KCNH7: variants seen among roughly 807,000 people sequenced by gnomAD.
KCNH7 encodes voltage-gated inwardly rectifying potassium channel KCNH7.
Under a neutral mutation model 120.8 loss-of-function variants are expected in KCNH7, and 49 were observed. That is an observed-to-expected ratio of 0.41 (90% CI 0.32 to 0.51). KCNH7 has a LOEUF of 0.51. Among genes scored for constraint, KCNH7 ranks in the 20% least tolerant of loss-of-function variants. KCNH7 has a pLI of 0.38. For missense variants in KCNH7, 1,097 were observed against 1,446.6 expected (o/e 0.76, Z 3.92); for synonymous variants, 547 against 516.1 (o/e 1.06, Z -0.81).
intron 6 of KCNH7, among the ~76,000 whole-genome samples, chr2:162,461,707 C>T (rs570587197): frequency 3.3e-5 from 5 of 152,240 alleles, no homozygotes; most frequent in East Asian, 3.9e-4. Context: ...TTTTGGGCCA[C>T]GTACAAAGTG....
rs141448865 is a variant in KCNH7 at position 162,588,888 on chromosome 2, C to T, written c.308-51808G>A. 9.8e-4 allele frequency among the ~76,000 whole-genome samples: 149 copies of T among 152,138 alleles called. 1 individual carries two copies. Among genetic ancestry groups the T allele is most frequent in the African/African-American group, 3.4e-3 (140 of 41,520 alleles). ...AATCCAATAATGGTATTGTCATTAA[C>T]CCACCTACCCTCTTTCCTCTCCCTC... On this transcript the variant is annotated intron_variant, in intron 2 of 15. Transcript: ENST00000332142.
chr2:162,809,583 G>A (rs1345022728), intron 2 of KCNH7, among the ~76,000 whole-genome samples: 1 of 152,102 alleles, frequency 6.6e-6, no homozygotes. Context: ...TGAAATATCA[G>A]AAATACATTT....
chr2:162,613,148 A>G (rs1438605088), intron 2 of KCNH7, among the ~76,000 whole-genome samples: 1 of 152,040 alleles, frequency 6.6e-6, no homozygotes, highest in African/African-American at 2.4e-5. Context: ...AAGTAAATAC[A>G]AAGGAATCCA....
intron 2 of KCNH7, among the ~76,000 whole-genome samples, chr2:162,792,620 T>C (rs1234229047): frequency 6.6e-6 from 1 of 151,948 alleles, no homozygotes; most frequent in Non-Finnish European, 1.5e-5. Flanking sequence ...ATAGGGTCAG[T>C]GGTAATGTCC....
chr2:162,632,305 A>T (rs373866093), intron 2 of KCNH7, among the ~76,000 whole-genome samples: 1 of 151,984 alleles, frequency 6.6e-6, no homozygotes, highest in African/African-American at 2.4e-5. Context: ...TGAAATTATA[A>T]AGGAAGGTGT....
intron 2 of KCNH7, among the ~76,000 whole-genome samples, chr2:162,552,524 T>C (rs1574093069): frequency 1.3e-5 from 2 of 152,222 alleles, no homozygotes; most frequent in African/African-American, 2.4e-5. Flanking sequence ...ATACAGATTC[T>C]GAATAATTCC....
chr2:162,388,627 T>C (rs1686650233), intron 12 of KCNH7, among the ~76,000 whole-genome samples: 1 of 151,928 alleles, frequency 6.6e-6, no homozygotes, highest in Non-Finnish European at 1.5e-5. Flanking sequence ...CAAAGTATAA[T>C]ACCAATATAT....
At chr2:162,698,737 C>G (rs903188487) in intron 2 of KCNH7, among the ~76,000 whole-genome samples, 4 of 151,886 alleles carry the variant, frequency 2.6e-5, no homozygotes, top group African/African-American at 9.7e-5. Flanking sequence ...AAATGGAGAC[C>G]ATAAGATAAA....
At chr2:162,579,606 C>T (rs1693806896) in intron 2 of KCNH7, among the ~76,000 whole-genome samples, 1 of 151,956 alleles carries the variant, frequency 6.6e-6, no homozygotes, top group Admixed American at 6.6e-5. Flanking sequence ...GGGAGCAATT[C>T]CAGGGATATT....
intron 2 of KCNH7, among the ~76,000 whole-genome samples, chr2:162,585,512 A>G (rs1409148300): frequency 2.6e-5 from 4 of 152,088 alleles, no homozygotes; most frequent in African/African-American, 4.8e-5. Flanking sequence ...GATACATCTA[A>G]TCATGTATAG....
chr2:162,582,265 A>G (rs1201533114), intron 2 of KCNH7, among the ~76,000 whole-genome samples: 1 of 152,086 alleles, frequency 6.6e-6, no homozygotes, highest in Non-Finnish European at 1.5e-5. Flanking sequence ...ACAACCGGCT[A>G]TTCTTTCTTA....
chr2:162,564,999 G>C (rs901235260), intron 2 of KCNH7, among the ~76,000 whole-genome samples: 1 of 152,026 alleles, frequency 6.6e-6, no homozygotes, highest in Non-Finnish European at 1.5e-5. Context: ...ATTAGTAATG[G>C]TATATCCCCT....
intron 5 of KCNH7, among the ~76,000 whole-genome samples, chr2:162,505,981 G>A (rs1173354459): frequency 1.3e-5 from 2 of 151,816 alleles, no homozygotes; most frequent in Non-Finnish European, 2.9e-5. Context: ...CACTATGGGG[G>A]AAAATCACAC....
At chr2:162,454,101 G>A (rs1342703691) in intron 6 of KCNH7, among the ~76,000 whole-genome samples, 1 of 152,150 alleles carries the variant, frequency 6.6e-6, no homozygotes, top group East Asian at 1.9e-4. Context: ...TTACATTTAA[G>A]TCTTTAATCC....
At chr2:162,449,105 G>C (rs897875413) in intron 6 of KCNH7, among the ~76,000 whole-genome samples, 1 of 151,962 alleles carries the variant, frequency 6.6e-6, no homozygotes, top group African/African-American at 2.4e-5. Flanking sequence ...GTGTGTTGGG[G>C]AATTGTAAGC....
chr2:162,407,992 A>G (rs1394003035), intron 9 of KCNH7, among the ~76,000 whole-genome samples: 1 of 152,078 alleles, frequency 6.6e-6, no homozygotes, highest in African/African-American at 2.4e-5. Flanking sequence ...AGTTGTCAAC[A>G]TCATGTGGGG....
chr2:162,589,043 G>A (rs1370270341), intron 2 of KCNH7, among the ~76,000 whole-genome samples: 1 of 152,020 alleles, frequency 6.6e-6, no homozygotes, highest in Non-Finnish European at 1.5e-5. Context: ...AGTTAAGGTG[G>A]CTCCCAAAAT....
intron 2 of KCNH7, among the ~76,000 whole-genome samples, chr2:162,828,950 G>A (rs911157381): frequency 6.6e-6 from 1 of 152,104 alleles, no homozygotes; most frequent in Non-Finnish European, 1.5e-5. Flanking sequence ...ACACAAGCAG[G>A]CCTACTTTAA....
chr2:162,440,430 A>G (rs1281830819), intron 7 of KCNH7, among the ~76,000 whole-genome samples: 1 of 152,018 alleles, frequency 6.6e-6, no homozygotes, highest in Non-Finnish European at 1.5e-5. Flanking sequence ...TTTGCTTTAG[A>G]TTTCATTTCA....
Sources: gnomAD v4.1 joint callset for allele counts (sites outside exome capture counted in the v4.1 genomes callset) on GRCh38, gnomAD v4.1.1 for gene constraint, MANE v1.5 for transcripts, NCBI Gene and HGNC (gene_info 2026-07-23, HGNC 2026-07-21) for gene names.